The following HIGD1C variants were observed in gnomAD, a reference collection of about 807,000 sequenced individuals.
HIGD1C encodes the protein HIG1 domain family member 1C.
In HIGD1C, 11 loss-of-function variants were observed where a neutral mutation model predicts 13.1. The observed-to-expected ratio is 0.84, with a 90% confidence interval of 0.53 to 1.39. The LOEUF (loss-of-function observed/expected upper bound fraction) is 1.39. HIGD1C is among the 40% of genes most tolerant of loss of function. The pLI is 0.00. For synonymous variants in HIGD1C, 36 were observed against 37.7 expected, an observed-to-expected ratio of 0.95 and a Z score of 0.17; for missense variants, 110 against 112.0, an observed-to-expected ratio of 0.98 and a Z score of 0.08.
intron 1 of HIGD1C, 60 bp downstream of exon 3, chr12:50,954,152 G>C: frequency 1.0e-6 from 1 of 978,534 alleles, no homozygotes; most frequent in Non-Finnish European, 1.6e-6. Flanking sequence ...GCCTTACCCA[G>C]TGCCTTTGCG....
the HIGD1C span, chr12:50,940,102 GT>G: frequency 6.6e-6 from 1 of 152,060 alleles, no homozygotes; most frequent in East Asian, 1.9e-4. Flanking sequence ...AAAAAAAATA[GT>G]TTGCAAAATT....
At chr12:50,961,235 C>A in intron 2 of HIGD1C, 133 bp downstream of exon 4, 1 of 941,648 alleles carries the variant, frequency 1.1e-6, no homozygotes, top group East Asian at 2.7e-5. Context: ...GACTGATCTT[C>A]CCTTAGTTGA....
the HIGD1C span, among the ~76,000 whole-genome samples, chr12:50,943,666 C>T: frequency 2.6e-5 from 4 of 151,544 alleles, no homozygotes; most frequent in South Asian, 8.3e-4. Flanking sequence ...GCCGAGATCG[C>T]GCCACTGCAC....
At chr12:50,943,623 T>C in the HIGD1C span, among the ~76,000 whole-genome samples, 14 of 151,160 alleles carry the variant, frequency 9.3e-5, no homozygotes, top group Admixed American at 3.9e-4. Context: ...GGCAGGAGAA[T>C]GGTGTGAACC....
chr12:50,947,945 T>A, the HIGD1C span, among the ~76,000 whole-genome samples: 1 of 152,148 alleles, frequency 6.6e-6, no homozygotes, highest in Non-Finnish European at 1.5e-5. Flanking sequence ...TGAGACTCCG[T>A]CTCAAATAAA....
upstream of HIGD1C, among the ~76,000 whole-genome samples, chr12:50,951,739 G>A (rs1312688138): frequency 6.6e-6 from 1 of 151,592 alleles, no homozygotes; most frequent in African/African-American, 2.4e-5. Flanking sequence ...GACCAACATT[G>A]TGAAACAAAA....
the HIGD1C span, chr12:50,935,114 A>C: frequency 6.6e-6 from 1 of 152,226 alleles, no homozygotes. Context: ...AAAACACAGA[A>C]CTTAACATAA....
intron 1 of HIGD1C, among the ~76,000 whole-genome samples, chr12:50,959,805 G>A (rs145514269): frequency 0.016 from 2,448 of 151,956 alleles, 63 homozygotes; most frequent in African/African-American, 0.056. Flanking sequence ...GTACCACCAC[G>A]CCCGGCTAAT....
At chr12:50,954,319 T>C (rs539634460) in intron 1 of HIGD1C, 77 of 430,032 alleles carry the variant, frequency 1.8e-4, no homozygotes, top group African/African-American at 1.4e-3. Flanking sequence ...ATTTTATCCA[T>C]TTCATTAGAA....
In HIGD1C at chr12:50,961,055, A is replaced by T. The variant is rs528933093; in HGVS notation, c.182A>T (p.His61Leu). The T allele has an allele frequency of 3.1e-6, 5 of 1,613,802 alleles. 1 individual carries two copies. The African/African-American group carries it at 5.3e-5, about 17-fold the overall frequency. The stretch of plus-strand genomic sequence containing the variant: ...CAGAAAATGTCAATTCATCTTATTC[A>T]CATGAGAGTTGCTGCCCAAGGATTT... Residue 61 changes from histidine (H) to leucine (L), a missense_variant, in exon 2 of 3, where the codon CAC becomes CTC. His to Leu is a moderately conservative substitution (Grantham distance 99). Coordinates refer to ENST00000398455, the Ensembl canonical transcript of HIGD1C.
the HIGD1C span, among the ~76,000 whole-genome samples, chr12:50,947,271 C>A: frequency 0.39 from 58,864 of 151,948 alleles, 11,896 homozygotes; most frequent in East Asian, 0.61. Flanking sequence ...GCTTAAAACA[C>A]CACAAACTTT....
At chr12:50,958,750 C>T (rs1939210184) in intron 1 of HIGD1C, among the ~76,000 whole-genome samples, 3 of 151,692 alleles carry the variant, frequency 2.0e-5, no homozygotes, top group African/African-American at 2.4e-5. Context: ...GGCACAGTGG[C>T]TTACGCCTGT....
chr12:50,938,182 C>G, the HIGD1C span, among the ~76,000 whole-genome samples: 2 of 152,118 alleles, frequency 1.3e-5, no homozygotes, highest in Non-Finnish European at 2.9e-5. Context: ...TTCCAAGCTT[C>G]CCTCTGCACC....
chr12:50,949,999 T>G (rs1275092038), upstream of HIGD1C, among the ~76,000 whole-genome samples: 2 of 152,242 alleles, frequency 1.3e-5, no homozygotes, highest in Non-Finnish European at 2.9e-5. Flanking sequence ...AGACACAGTC[T>G]GCCTCATAAC....
At chr12:50,944,517 C>T in the HIGD1C span, among the ~76,000 whole-genome samples, 1 of 152,144 alleles carries the variant, frequency 6.6e-6, no homozygotes, top group South Asian at 2.1e-4. Flanking sequence ...CAAAATAACA[C>T]ACCACAGAAA....
downstream of HIGD1C, among the ~76,000 whole-genome samples, chr12:50,972,264 T>C (rs1336619208): frequency 7.2e-5 from 11 of 152,228 alleles, no homozygotes; most frequent in Non-Finnish European, 1.5e-4. Flanking sequence ...TAGCTTTTCC[T>C]ACAAAACCCA....
At chr12:50,939,307 C>A in the HIGD1C span, among the ~76,000 whole-genome samples, 13,028 of 152,166 alleles carry the variant, frequency 0.086, 790 homozygotes, top group African/African-American at 0.17. Context: ...GCCACCACAC[C>A]CAGCTAATTT....
chr12:50,953,991 A>G, exon 1 of HIGD1C: 1 of 1,574,130 alleles, frequency 6.4e-7, no homozygotes, highest in Non-Finnish European at 8.7e-7. Flanking sequence ...TTGTTACTAG[A>G]GAAAAAAATG....
At chr12:50,948,866 G>A in the HIGD1C span, among the ~76,000 whole-genome samples, 1 of 15,480 alleles carries the variant, frequency 6.5e-5, no homozygotes, top group Non-Finnish European at 1.2e-4. Flanking sequence ...GCGAGGAGGA[G>A]GGGGGAGGGG....
Sources: allele counts gnomAD v4.1 joint callset (sites outside exome capture counted in the v4.1 genomes callset), GRCh38; gene constraint gnomAD v4.1.1; transcripts MANE v1.5; gene names NCBI Gene and HGNC (gene_info 2026-07-23, HGNC 2026-07-21).